The following MRPL42 variants were observed in gnomAD, a reference collection of about 807,000 sequenced individuals.
MRPL42 encodes the protein large ribosomal subunit protein mL42.
MRPL42 carries 17 observed loss-of-function variants against 17.9 expected under a neutral mutation model. The observed-to-expected ratio is 0.95, with a 90% CI of 0.65 to 1.42. The LOEUF (loss-of-function observed/expected upper bound fraction) is 1.42. Among genes scored for constraint, MRPL42 ranks in the 40% most tolerant of loss-of-function variants. The pLI is 0.00. For missense variants in MRPL42, 177 were observed against 175.2 expected (o/e 1.01, Z -0.06); for synonymous variants, 59 against 54.4 (o/e 1.08, Z -0.37).
chr12:93,468,928 A>G (rs1879769651), intron 1 of MRPL42, among the ~76,000 whole-genome samples: 1 of 152,222 alleles, frequency 6.6e-6, no homozygotes. Flanking sequence ...CTGAGTATTC[A>G]TTAAGTGGAA....
At chr12:93,491,940 A>T (rs1055147439) in intron 5 of MRPL42, among the ~76,000 whole-genome samples, 1 of 152,220 alleles carries the variant, frequency 6.6e-6, no homozygotes, top group Non-Finnish European at 1.5e-5. Flanking sequence ...GCTGCAAAGG[A>T]CATGATTTTG....
rs1953730955 is a variant in MRPL42 at position 93,512,136 on chromosome 12, C to G, written c.*10915C>G. ...ACATTTAATTATTGCTGCAAGAAGC[C>G]AGTTTGGTCCCAGCTTTATAAAGAT... On this transcript the variant is annotated 3_prime_UTR_variant, in exon 6 of 6. Transcript: ENST00000549982. 6.6e-6 allele frequency: 1 copy of G among 152,088 alleles called. No individual in the cohort carries two copies. Among genetic ancestry groups the G allele is most frequent in the African/African-American group, 2.4e-5 (1 of 41,402 alleles). 9.4% of individuals were successfully genotyped at this position (152,088 alleles called of 1,614,324 possible).
At chr12:93,486,311 T>A in intron 4 of MRPL42, among the ~76,000 whole-genome samples, 1 of 152,146 alleles carries the variant, frequency 6.6e-6, no homozygotes, top group Non-Finnish European at 1.5e-5. Context: ...ATGTTGAAAA[T>A]TTTTCTGCTT....
At chr12:93,470,653 C>T (rs1345448165) in intron 2 of MRPL42, 1 of 846,508 alleles carries the variant, frequency 1.2e-6, no homozygotes, top group African/African-American at 1.8e-5. Context: ...GTTTATTGTT[C>T]CCATCTTTGT....
chr12:93,484,511 A>G (rs997566434), intron 4 of MRPL42, among the ~76,000 whole-genome samples: 1 of 149,826 alleles, frequency 6.7e-6, no homozygotes, highest in South Asian at 2.1e-4. Context: ...CTGCACCATC[A>G]CTAGGTGACA....
chr12:93,500,472 G>A (rs1009348363), intron 5 of MRPL42, among the ~76,000 whole-genome samples: 26 of 152,030 alleles, frequency 1.7e-4, no homozygotes, highest in African/African-American at 6.0e-4. Flanking sequence ...GTTCTGATTT[G>A]CAGTCCCTCC....
chr12:93,490,244 T>A (rs896627510), intron 5 of MRPL42, among the ~76,000 whole-genome samples: 7 of 152,228 alleles, frequency 4.6e-5, no homozygotes, highest in Non-Finnish European at 1.0e-4. Context: ...CTTTAGACAT[T>A]TGTGTCTAGT....
intron 4 of MRPL42, 47 bp from the exon 5 acceptor site, chr12:93,487,450 C>G (rs755404779): frequency 3.3e-6 from 5 of 1,531,278 alleles, no homozygotes; most frequent in Non-Finnish European, 2.7e-6. Flanking sequence ...CAAATGCTGG[C>G]TAACATTCCC....
Position 93,496,255 on chromosome 12 carries a change from C to A in MRPL42, c.384-4921C>A, listed in dbSNP as rs139668646. Among the ~76,000 whole-genome samples the A allele has an allele frequency of 6.6e-5, 10 of 152,088 alleles. No individual in the cohort carries two copies. The South Asian group carries it at 1.5e-3, about 22-fold the overall frequency. ...TGTATTTTTAGTAAAGGCAGGGTTT[C>A]GCCATGTTGGCCAGGCTGGTCTTGA... On this transcript the variant is annotated intron_variant, in intron 5 of 5. Transcript: ENST00000549982.
intron 2 of MRPL42, 95 bp downstream of exon 2, chr12:93,469,450 C>A (rs987230584): frequency 4.7e-6 from 4 of 859,876 alleles, no homozygotes. Context: ...CTGTAATTTG[C>A]AGGAGTGTTT....
Position 93,501,239 on chromosome 12 carries a change from G to A in MRPL42, c.*18G>A, listed in dbSNP as rs1394221197. 1 of 1,586,498 alleles carries A rather than the reference G, an allele frequency of 6.3e-7. No individual in the cohort carries two copies. On this transcript the variant is annotated 3_prime_UTR_variant, in exon 6 of 6. Transcript: ENST00000549982. ...ACAGATGATGCGGAGGTTCCTGGGG[G>A]AATCAAAGAGAAATGTGCCTCATTT...
intron 5 of MRPL42, 29 bp downstream of exon 5, chr12:93,487,689 C>T: frequency 6.5e-7 from 1 of 1,535,920 alleles, no homozygotes; most frequent in Non-Finnish European, 8.9e-7. Context: ...TCTTCAATCC[C>T]TACTACATAC....
chr12:93,472,251 A>G (rs1296257153), intron 2 of MRPL42, among the ~76,000 whole-genome samples: 2 of 152,194 alleles, frequency 1.3e-5, no homozygotes, highest in Non-Finnish European at 2.9e-5. Context: ...AACTTCTTAT[A>G]TCCGAAAAGT....
chr12:93,511,141 G>A lies in MRPL42; in HGVS notation c.*9920G>A, dbSNP rs190825249. The A allele has an allele frequency of 4.0e-4, 61 of 152,234 alleles. 1 individual carries two copies. In the East Asian group the frequency reaches 0.012, roughly 29 times the overall value. The allele number at this position is 152,234 out of a possible 1,614,324, so 9.4% of individuals were successfully genotyped here. A position where few individuals can be genotyped will look rare whatever the true frequency, so the allele number is the denominator to read the frequency against. ...ATAAATATAATTCTTCATATACTGA[G>A]TTCAGTTTTTTAGCCATAAATGAAG... is the stretch of plus-strand genomic sequence containing the variant. On this transcript the variant is annotated 3_prime_UTR_variant, in exon 6 of 6. Transcript: ENST00000549982.
At chr12:93,468,829 G>GA (rs1482459109) in intron 1 of MRPL42, among the ~76,000 whole-genome samples, 1 of 152,100 alleles carries the variant, frequency 6.6e-6, no homozygotes, top group East Asian at 1.9e-4. Context: ...TGGAACCTTG[G>GA]AGGGTGTACA....
chr12:93,480,702 C>A (rs145660259), intron 4 of MRPL42, among the ~76,000 whole-genome samples: 1,620 of 151,696 alleles, frequency 0.011, 26 homozygotes, highest in African/African-American at 0.037. Context: ...CTACCACACC[C>A]GGCTAATTTT....
chr12:93,470,762 G>A (rs1253386131), intron 2 of MRPL42, among the ~76,000 whole-genome samples: 1 of 152,214 alleles, frequency 6.6e-6, no homozygotes, highest in Non-Finnish European at 1.5e-5. Flanking sequence ...GCCTCCAGCT[G>A]CATCTGTGTT....
intron 5 of MRPL42, among the ~76,000 whole-genome samples, chr12:93,488,789 T>C (rs762105380): frequency 2.7e-4 from 41 of 152,316 alleles, no homozygotes; most frequent in Middle Eastern, 6.8e-3. Context: ...TTTTTTTCTT[T>C]TGTATCTATC....
At chr12:93,489,455 T>TG (rs1369562866) in intron 5 of MRPL42, among the ~76,000 whole-genome samples, 11 of 152,100 alleles carry the variant, frequency 7.2e-5, no homozygotes, top group Non-Finnish European at 1.5e-4. Context: ...ATTGATTTTT[T>TG]GGGGGGGCAG....
Sources: gnomAD v4.1 joint callset for allele counts (sites outside exome capture counted in the v4.1 genomes callset) on GRCh38, gnomAD v4.1.1 for gene constraint, MANE v1.5 for transcripts, NCBI Gene and HGNC (gene_info 2026-07-23, HGNC 2026-07-21) for gene names.